Variants in ETFA observed in about 807,000 individuals in gnomAD.
ETFA encodes the protein electron transfer flavoprotein subunit alpha, mitochondrial.
In ETFA, 22 loss-of-function variants were observed where a neutral mutation model predicts 46.2. That is an observed-to-expected ratio of 0.48 (90% confidence interval 0.34 to 0.68). The LOEUF (loss-of-function observed/expected upper bound fraction) is 0.68. Ranked by LOEUF, ETFA falls within the 30% of genes least tolerant of loss-of-function variation. The pLI is 0.01. For missense variants in ETFA, 345 were observed against 401.1 expected (o/e 0.86, Z 1.19); for synonymous variants, 131 against 139.9 (o/e 0.94, Z 0.45).
At position 76,287,925 on chromosome 15, in the gene ETFA, T is replaced by C. The variant is rs763529865; in HGVS notation, c.372A>G (p.Ala124=). The stretch of plus-strand genomic sequence containing the variant: ...AAATCGGGGCAACCTCAAGTTTGGC[T>C]GCTACTCTGGGCAAAAGGTTCTAAA... The part of the protein sequence containing the change: ...AFGKNLLPRV[A]AKLEVAPISD... The change falls in exon 5 of 12, where the codon GCA becomes GCG. Residue 124 remains alanine (A), a synonymous_variant. Coordinates refer to ENST00000557943, the MANE Select transcript of ETFA (RefSeq NM_000126.4). The C allele has an allele frequency of 6.2e-7, 1 of 1,613,986 alleles. No individual in the cohort carries two copies.
At chr15:76,301,158 T>C (rs559080422) in intron 1 of ETFA, among the ~76,000 whole-genome samples, 1 of 152,346 alleles carries the variant, frequency 6.6e-6, no homozygotes, top group Admixed American at 6.5e-5. Flanking sequence ...ATATTAATCC[T>C]CAATAAATGT....
In ETFA at chr15:76,275,111, C is replaced by G. The variant is rs929757514; in HGVS notation, c.734-617G>C. 2.0e-5 allele frequency among the ~76,000 whole-genome samples: 3 copies of G among 152,264 alleles called. No homozygotes were observed. In the East Asian group the frequency reaches 5.8e-4, roughly 29 times the overall value. ...CTATCTTGAGTCAGCCAGGACTAATCACACCCTGCCCTTCATTATGTCTGT... is the reference window on the plus strand; with the variant it reads ...CTATCTTGAGTCAGCCAGGACTAATGACACCCTGCCCTTCATTATGTCTGT... On this transcript the variant is annotated intron_variant, in intron 8 of 11. Transcript: ENST00000557943.
chr15:76,291,509 G>C lies in ETFA; in HGVS notation c.351+922C>G, dbSNP rs183216298. ...CTCACGCCTGTAATCCCAGTACTTTGGGGGGCCGAGGCGGGCGGATCACGA... is the reference window on the plus strand; with the variant it reads ...CTCACGCCTGTAATCCCAGTACTTTCGGGGGCCGAGGCGGGCGGATCACGA... On this transcript the variant is annotated intron_variant, in intron 4 of 11. Transcript: ENST00000557943. 2.9e-3 allele frequency among the ~76,000 whole-genome samples: 428 copies of C among 147,770 alleles called. 1 individual carries two copies. Among genetic ancestry groups the C allele is most frequent in the Non-Finnish European group, 5.3e-3 (359 of 67,492 alleles).
intron 9 of ETFA, among the ~76,000 whole-genome samples, chr15:76,262,745 G>C (rs1159925312): frequency 6.6e-6 from 1 of 152,024 alleles, no homozygotes; most frequent in South Asian, 2.1e-4. Flanking sequence ...GCCTCCCAAA[G>C]TGCTGGGTTA....
intron 7 of ETFA, chr15:76,284,763 A>T (rs752442744): frequency 4.7e-6 from 1 of 214,162 alleles, no homozygotes; most frequent in Non-Finnish European, 9.6e-6. Context: ...AAGTGCTGGA[A>T]TTACAGGTGT....
chr15:76,241,661 A>T (rs1221237807), intron 9 of ETFA, among the ~76,000 whole-genome samples: 7 of 149,372 alleles, frequency 4.7e-5, no homozygotes, highest in Admixed American at 4.7e-4. Flanking sequence ...TTAGCCAGGC[A>T]TGGGGGGCGG....
At chr15:76,279,899 TC>T (rs1030691829) in intron 8 of ETFA, among the ~76,000 whole-genome samples, 8 of 151,536 alleles carry the variant, frequency 5.3e-5, no homozygotes, top group Non-Finnish European at 8.8e-5. Context: ...TTTTTTTTTT[TC>T]CTTAAGAGAC....
intron 9 of ETFA, among the ~76,000 whole-genome samples, chr15:76,237,213 C>T (rs1440102421): frequency 2.0e-5 from 3 of 152,068 alleles, no homozygotes; most frequent in Non-Finnish European, 4.4e-5. Flanking sequence ...CCACCTCGCC[C>T]GGCTAATTTT....
chr15:76,310,252 TAAACAAAC>T (rs200222031), intron 1 of ETFA, among the ~76,000 whole-genome samples: 23 of 149,364 alleles, frequency 1.5e-4, no homozygotes, highest in South Asian at 4.2e-4. Flanking sequence ...CCTTGTCTCT[TAAACAAAC>T]AAACAAACAA....
At chr15:76,265,516 G>A (rs1381035780) in intron 9 of ETFA, among the ~76,000 whole-genome samples, 1 of 152,166 alleles carries the variant, frequency 6.6e-6, no homozygotes, top group Non-Finnish European at 1.5e-5. Flanking sequence ...AGTAGATACT[G>A]GAGCTGATGT....
chr15:76,228,505 AT>A (rs1195474551), intron 10 of ETFA, among the ~76,000 whole-genome samples: 1 of 152,048 alleles, frequency 6.6e-6, no homozygotes, highest in Non-Finnish European at 1.5e-5. Flanking sequence ...CTTAAAAGTT[AT>A]TTTTAAAGAG....
intron 11 of ETFA, among the ~76,000 whole-genome samples, chr15:76,223,470 G>A (rs531865125): frequency 6.6e-6 from 1 of 151,990 alleles, no homozygotes; most frequent in African/African-American, 2.4e-5. Flanking sequence ...TGATCCACCC[G>A]CCTCGGCCTC....
At chr15:76,273,265 A>AGGCCGGGTGCGGTGG in intron 9 of ETFA, among the ~76,000 whole-genome samples, 1 of 152,174 alleles carries the variant, frequency 6.6e-6, no homozygotes, top group Middle Eastern at 3.2e-3. Context: ...ATACTTCGAA[A>AGGCCGGGTGCGGTGG]CAAACTTCAG....
intron 8 of ETFA, 64 bp from the exon 9 acceptor site, chr15:76,274,558 C>T: frequency 1.6e-6 from 2 of 1,225,836 alleles, no homozygotes; most frequent in Non-Finnish European, 1.2e-6. Context: ...AGGATATTCA[C>T]TGATAACTGT....
At chr15:76,270,664 A>G (rs1057212963) in intron 9 of ETFA, among the ~76,000 whole-genome samples, 1 of 152,198 alleles carries the variant, frequency 6.6e-6, no homozygotes, top group African/African-American at 2.4e-5. Context: ...TGGGACAGGA[A>G]AAATACAAAA....
intron 9 of ETFA, among the ~76,000 whole-genome samples, chr15:76,265,145 C>A (rs1474362536): frequency 1.3e-5 from 2 of 152,180 alleles, no homozygotes; most frequent in African/African-American, 4.8e-5. Context: ...AGGGAGCCAC[C>A]AAAGAAGGTC....
At chr15:76,269,989 G>A (rs988060841) in intron 9 of ETFA, among the ~76,000 whole-genome samples, 7 of 152,154 alleles carry the variant, frequency 4.6e-5, no homozygotes, top group East Asian at 1.9e-4. Flanking sequence ...ATAATACAAC[G>A]TGCTCATCAT....
chr15:76,307,050 C>T (rs1368716699), intron 1 of ETFA, among the ~76,000 whole-genome samples: 1 of 152,160 alleles, frequency 6.6e-6, no homozygotes, highest in Non-Finnish European at 1.5e-5. Flanking sequence ...GCTTCTCAGT[C>T]CTGATAGATA....
At chr15:76,228,254 A>G (rs1475945763) in intron 10 of ETFA, 2 of 329,524 alleles carry the variant, frequency 6.1e-6, no homozygotes, top group African/African-American at 4.3e-5. Flanking sequence ...TGGTACAATC[A>G]GCTCACAGAA....
Sources: allele counts gnomAD v4.1 joint callset (sites outside exome capture counted in the v4.1 genomes callset), GRCh38; gene constraint gnomAD v4.1.1; transcripts MANE v1.5; gene names NCBI Gene and HGNC (gene_info 2026-07-23, HGNC 2026-07-21).